The following ITIH5 variants were observed in gnomAD, a reference collection of about 807,000 sequenced individuals.
ITIH5 encodes the protein inter-alpha-trypsin inhibitor heavy chain 5.
Under a neutral mutation model 77.5 loss-of-function variants are expected in ITIH5, and 65 were observed. The ratio of observed to expected loss-of-function variants is 0.84; its 90% CI spans 0.69 to 1.03. The LOEUF (loss-of-function observed/expected upper bound fraction) is 1.03, where lower values mean the gene tolerates loss of function less well. Ranked by LOEUF, ITIH5 falls within the 50% of genes least tolerant of loss-of-function variation. The pLI is 0.00. For missense variants in ITIH5, 1,208 were observed against 1,213.1 expected, an observed-to-expected ratio of 1.00 and a Z score of 0.06; for synonymous variants, 525 against 494.3, an observed-to-expected ratio of 1.06 and a Z score of -0.82.
chr10:7,579,711 G>GC, intron 9 of ITIH5, 44 bp downstream of exon 9: 1 of 1,586,188 alleles, frequency 6.3e-7, no homozygotes, highest in Non-Finnish European at 8.6e-7. Flanking sequence ...CCACCCCTCA[G>GC]CCCCTCAAAC....
chr10:7,655,261 GCTTT>G (rs1834161678), intron 2 of ITIH5, among the ~76,000 whole-genome samples: 2 of 152,106 alleles, frequency 1.3e-5, no homozygotes, highest in Non-Finnish European at 2.9e-5. Context: ...ATCACGTGAT[GCTTT>G]AGTCTACAAA....
At chr10:7,664,913 G>C (rs1237490141) in intron 1 of ITIH5, among the ~76,000 whole-genome samples, 1 of 152,192 alleles carries the variant, frequency 6.6e-6, no homozygotes, top group Admixed American at 6.5e-5. Flanking sequence ...TCCCCATACA[G>C]AGATAGAGGC....
At chr10:7,574,550 T>C (rs1301436391) in intron 10 of ITIH5, among the ~76,000 whole-genome samples, 1 of 152,106 alleles carries the variant, frequency 6.6e-6, no homozygotes, top group Non-Finnish European at 1.5e-5. Context: ...TCCCAGCATT[T>C]TGGGAGGCCC....
At chr10:7,644,476 TATAATCA>T in intron 2 of ITIH5, among the ~76,000 whole-genome samples, 1 of 115,020 alleles carries the variant, frequency 8.7e-6, no homozygotes, top group Non-Finnish European at 1.9e-5. Context: ...ATAGATCATA[TATAATCA>T]CATATATATC....
chr10:7,623,150 C>T (rs577103454), intron 5 of ITIH5, among the ~76,000 whole-genome samples: 11 of 152,328 alleles, frequency 7.2e-5, no homozygotes, highest in African/African-American at 2.6e-4. Context: ...AAGCGCCACC[C>T]TCTGGGTTGA....
chr10:7,626,085 G>T (rs2131052647), intron 5 of ITIH5, among the ~76,000 whole-genome samples: 1 of 152,318 alleles, frequency 6.6e-6, no homozygotes, highest in Admixed American at 6.5e-5. Context: ...TGTTCAGGGG[G>T]TGTGGCAGAT....
chr10:7,659,389 A>T (rs916499554), intron 1 of ITIH5, among the ~76,000 whole-genome samples: 4 of 152,134 alleles, frequency 2.6e-5, no homozygotes, highest in African/African-American at 4.8e-5. Context: ...AAAAAAAAAT[A>T]AAAATTAAAA....
chr10:7,567,806 G>A (rs1354809454), intron 12 of ITIH5, among the ~76,000 whole-genome samples: 1 of 152,074 alleles, frequency 6.6e-6, no homozygotes, highest in East Asian at 1.9e-4. Flanking sequence ...CCCAGGAGGT[G>A]GAGATTGCAG....
rs1832033943 is a variant in ITIH5 at position 7,561,209 on chromosome 10, T to TA, written c.*1873dup. On this transcript the variant is annotated 3_prime_UTR_variant, in exon 14 of 14. Coordinates refer to ENST00000397146, the MANE Select transcript of ITIH5 (RefSeq NM_030569.7). ...TCATTGGAATGTTTTTCTCAGCTCT[T>TA]AAAGTAGCAACACAGGCAGTAGGAA... 1.3e-5 allele frequency: 2 copies of TA among 152,270 alleles called. No homozygotes were observed. Among genetic ancestry groups the TA allele is most frequent in the African/African-American group, 4.8e-5 (2 of 41,470 alleles). The allele number at this position is 152,270 out of a possible 1,614,324, so 9.4% of individuals were successfully genotyped here.
intron 7 of ITIH5, chr10:7,600,639 T>C (rs1832995611): frequency 2.2e-6 from 1 of 455,018 alleles, no homozygotes; most frequent in South Asian, 1.6e-5. Flanking sequence ...TTCTTCAAGC[T>C]AAGAATTTGG....
chr10:7,573,051 T>G, intron 11 of ITIH5, 91 bp downstream of exon 11: 1 of 1,236,206 alleles, frequency 8.1e-7, no homozygotes, highest in Non-Finnish European at 1.2e-6. Context: ...GTGCTGGGAT[T>G]ACAGGCGTGA....
chr10:7,614,086 T>C (rs978205918), intron 7 of ITIH5, among the ~76,000 whole-genome samples: 2 of 152,160 alleles, frequency 1.3e-5, no homozygotes, highest in Non-Finnish European at 2.9e-5. Context: ...CCATACCTAG[T>C]AAAAACTATC....
chr10:7,577,647 T>G (rs1244991345), intron 9 of ITIH5, among the ~76,000 whole-genome samples: 1 of 152,260 alleles, frequency 6.6e-6, no homozygotes, highest in Non-Finnish European at 1.5e-5. Context: ...GCTTTCCTTG[T>G]AGTTAAGTTG....
rs748762305 is a variant in ITIH5 at position 7,579,862 on chromosome 10, G to C, written c.1311C>G (p.Gly437=). Residue 437 remains glycine (G), a synonymous_variant, in exon 9 of 14, where the codon GGC becomes GGG. Coordinates refer to ENST00000397146, the MANE Select transcript of ITIH5 (RefSeq NM_030569.7). ...ARGQVCIFTI[G]IGNDVDFRLL... ...GCCTGAAGTCCACGTCGTTGCCGAT[G>C]CCAATGGTGAAGATGCAGACTTGGC... 6.2e-7 allele frequency: 1 copy of C among 1,614,114 alleles called. No homozygotes were observed. The highest frequency in any genetic ancestry group is 8.5e-7 in the Non-Finnish European group (1 of 1,180,046).
At chr10:7,657,818 T>C (rs1476007991) in intron 1 of ITIH5, among the ~76,000 whole-genome samples, 1 of 152,232 alleles carries the variant, frequency 6.6e-6, no homozygotes, top group Non-Finnish European at 1.5e-5. Flanking sequence ...AAGTTAATGT[T>C]CAGTGTCCCA....
chr10:7,645,264 G>C (rs1833993353), intron 2 of ITIH5, among the ~76,000 whole-genome samples: 1 of 152,050 alleles, frequency 6.6e-6, no homozygotes, highest in Admixed American at 6.6e-5. Flanking sequence ...AAAAAAATCT[G>C]AGTATTGTTG....
At chr10:7,613,245 CAAAAAAAAAAAAAAA>C (rs58021308) in intron 7 of ITIH5, among the ~76,000 whole-genome samples, 58 of 143,434 alleles carry the variant, frequency 4.0e-4, no homozygotes, top group East Asian at 4.0e-4. Flanking sequence ...GACTTCGTCT[CAAAAAAAAAAAAAAA>C]AAAAAAAAAA....
At chr10:7,583,374 C>T (rs7896218) in intron 8 of ITIH5, among the ~76,000 whole-genome samples, 52,663 of 152,106 alleles carry the variant, frequency 0.35, 9,758 homozygotes, top group East Asian at 0.49. Context: ...ACTCTGTCAC[C>T]GGGGCTGGAG....
chr10:7,576,948 C>A lies in ITIH5; in HGVS notation c.1483G>T (p.Val495Leu). 6.2e-7 allele frequency: 1 copy of A among 1,614,182 alleles called. No individual in the cohort carries two copies. Among genetic ancestry groups the A allele is most frequent in the Non-Finnish European group, 8.5e-7 (1 of 1,180,042 alleles). ...AACAGGGTCTTGGTGGCCTGCACCA[C>A]TGAGCTGGGGGGATAATCGATGCGG... ...DIRIDYPPSS[V>L]VQATKTLFPN... Residue 495 changes from valine to leucine, a missense_variant, in exon 10 of 14, where the codon GTG becomes TTG. Physicochemically the swap from Val to Leu is conservative, Grantham distance 32. Transcript: ENST00000397146.
Sources: gnomAD v4.1 joint callset for allele counts (sites outside exome capture counted in the v4.1 genomes callset) on GRCh38, gnomAD v4.1.1 for gene constraint, MANE v1.5 for transcripts, NCBI Gene and HGNC (gene_info 2026-07-23, HGNC 2026-07-21) for gene names.